ABCA13: variants seen among roughly 807,000 people sequenced by gnomAD.
ABCA13 encodes the protein ATP binding cassette subfamily A member 13, also known as ATP-binding cassette sub-family A member 13.
In ABCA13, 476 loss-of-function variants were observed where a neutral mutation model predicts 478.7. The ratio of observed to expected loss-of-function variants is 0.99; its 90% CI spans 0.92 to 1.07. ABCA13 has a LOEUF of 1.07. Ranked by LOEUF, ABCA13 falls within the 50% of genes least tolerant of loss-of-function variation. ABCA13 has a pLI of 0.00. For synonymous variants in ABCA13, 2,252 were observed against 2,158.9 expected (o/e 1.04, Z -1.20); for missense variants, 6,060 against 5,910.6 (o/e 1.03, Z -0.83).
chr7:48,629,574 G>C (rs1207035134), intron 59 of ABCA13, among the ~76,000 whole-genome samples: 1 of 26,746 alleles, frequency 3.7e-5, no homozygotes, highest in South Asian at 1.6e-3. Flanking sequence ...TTACATTTTG[G>C]CAAAAAAAAA....
chr7:48,405,222 C>T (rs1175295660), intron 39 of ABCA13, among the ~76,000 whole-genome samples: 1 of 152,252 alleles, frequency 6.6e-6, no homozygotes, highest in East Asian at 1.9e-4. Context: ...CTGCAGTCAG[C>T]AGGACCTACT....
intron 56 of ABCA13, among the ~76,000 whole-genome samples, chr7:48,581,269 G>A (rs1455457836): frequency 1.3e-5 from 2 of 152,148 alleles, no homozygotes; most frequent in Non-Finnish European, 1.5e-5. Flanking sequence ...ACTGGTCCAT[G>A]AACGTTCATT....
rs780762561 is a variant in ABCA13 at position 48,278,415 on chromosome 7, AGATCTTG to A, written c.7223_7229del (p.Asp2408GlyfsTer7). On this transcript the variant is annotated frameshift_variant, in exon 18 of 62. Transcript: ENST00000435803. LOFTEE classifies it high-confidence loss of function. ...CTGAGGACCTCTTCAAACTCAATCA[AGATCTTG>A]GGTCAGCTCTTCACCTTGTAAGAGA... 3.1e-6 allele frequency: 5 copies of A among 1,613,952 alleles called. No individual in the cohort carries two copies. The South Asian group carries it at 5.5e-5, about 18-fold the overall frequency.
rs1209525334 is a variant in ABCA13, at chr7:48,278,098, G to A, written c.6904G>A (p.Val2302Ile). 3.2e-6 allele frequency: 4 copies of A among 1,247,900 alleles called. No individual in the cohort carries two copies. The East Asian group carries it at 7.9e-5, about 25-fold the overall frequency. The allele number at this position is 1,247,900 out of a possible 1,614,324, so 77.3% of individuals were successfully genotyped here. ...TATATATATATATATTTACAGTTTT[G>A]TCCCAAAAGATAAAATTCTAGAAAT... ...HKDVIAEMSF[V>I]PKDKILEILK... The change falls in exon 18 of 62, where the codon GTC (valine) becomes ATC (isoleucine). Residue 2302 changes from valine to isoleucine, a missense_variant. Val to Ile is a conservative substitution (Grantham distance 29). Coordinates refer to ENST00000435803, the MANE Select transcript of ABCA13 (RefSeq NM_152701.5).
At chr7:48,337,579 A>G (rs549578411) in intron 28 of ABCA13, among the ~76,000 whole-genome samples, 17 of 152,344 alleles carry the variant, frequency 1.1e-4, no homozygotes, top group Admixed American at 1.0e-3. Flanking sequence ...TATGTGCTGG[A>G]CCAAAATCTG....
chr7:48,411,789 A>C (rs1220696596), intron 40 of ABCA13, among the ~76,000 whole-genome samples: 1 of 152,034 alleles, frequency 6.6e-6, no homozygotes, highest in Non-Finnish European at 1.5e-5. Context: ...TGGGGCTGGG[A>C]TTCAGGGTGT....
chr7:48,496,109 A>G (rs1235668114), intron 48 of ABCA13, among the ~76,000 whole-genome samples: 2 of 151,976 alleles, frequency 1.3e-5, no homozygotes, highest in Non-Finnish European at 2.9e-5. Context: ...GGTAATTACT[A>G]ATATATTTGG....
At chr7:48,208,442 A>T (rs1785203895) in intron 3 of ABCA13, among the ~76,000 whole-genome samples, 1 of 152,080 alleles carries the variant, frequency 6.6e-6, no homozygotes, top group Non-Finnish European at 1.5e-5. Flanking sequence ...ATGAACACGG[A>T]ACATCTTTCT....
At chr7:48,439,281 G>A (rs1823263322) in intron 42 of ABCA13, among the ~76,000 whole-genome samples, 1 of 152,078 alleles carries the variant, frequency 6.6e-6, no homozygotes. Context: ...GTTCCTTGAG[G>A]TGCCCATTTT....
At chr7:48,435,329 C>A (rs970506843) in intron 42 of ABCA13, among the ~76,000 whole-genome samples, 9 of 151,708 alleles carry the variant, frequency 5.9e-5, no homozygotes, top group African/African-American at 2.2e-4. Context: ...GGAAGAAGTG[C>A]AACTAATATT....
At chr7:48,234,283 G>C (rs1789619564) in intron 8 of ABCA13, 132 bp downstream of exon 8, 1 of 1,192,872 alleles carries the variant, frequency 8.4e-7, no homozygotes, top group Non-Finnish European at 1.2e-6. Context: ...CAAAACCCGA[G>C]CTCCTTACGC....
intron 25 of ABCA13, among the ~76,000 whole-genome samples, chr7:48,313,921 T>C (rs1274947217): frequency 6.6e-6 from 1 of 152,208 alleles, no homozygotes; most frequent in African/African-American, 2.4e-5. Context: ...GAATTAGTGA[T>C]ATTTTATGGA....
intron 35 of ABCA13, among the ~76,000 whole-genome samples, chr7:48,386,963 A>G (rs1815288384): frequency 6.6e-6 from 1 of 152,268 alleles, no homozygotes; most frequent in Middle Eastern, 3.4e-3. Flanking sequence ...ATTCTGTAGA[A>G]TTGGAGGAAA....
intron 1 of ABCA13, among the ~76,000 whole-genome samples, chr7:48,189,374 A>G (rs925850478): frequency 3.4e-5 from 5 of 149,120 alleles, no homozygotes; most frequent in East Asian, 4.0e-4. Context: ...CTCACACACA[A>G]TGGAAAATGA....
intron 3 of ABCA13, among the ~76,000 whole-genome samples, chr7:48,215,909 A>G (rs1303117184): frequency 2.0e-5 from 3 of 152,130 alleles, no homozygotes; most frequent in Non-Finnish European, 4.4e-5. Context: ...CGATGTTTTT[A>G]AGGTTCATTC....
At chr7:48,450,871 C>T (rs1037119071) in intron 42 of ABCA13, among the ~76,000 whole-genome samples, 4 of 151,926 alleles carry the variant, frequency 2.6e-5, no homozygotes, top group Non-Finnish European at 4.4e-5. Flanking sequence ...TATACTATTA[C>T]CTTAAGCAGA....
chr7:48,409,134 C>A (rs1301689885), intron 39 of ABCA13, among the ~76,000 whole-genome samples: 2 of 152,284 alleles, frequency 1.3e-5, no homozygotes, highest in Middle Eastern at 6.8e-3. Context: ...TTAGCCTTCT[C>A]TCTTTGAAAA....
chr7:48,301,208 C>T (rs1346173029), intron 23 of ABCA13, among the ~76,000 whole-genome samples: 2 of 151,908 alleles, frequency 1.3e-5, no homozygotes, highest in Non-Finnish European at 2.9e-5. Context: ...TTCTGGGAGG[C>T]TCCTTCAAAT....
At chr7:48,470,035 G>C (rs1237745869) in intron 44 of ABCA13, among the ~76,000 whole-genome samples, 1 of 152,184 alleles carries the variant, frequency 6.6e-6, no homozygotes, top group Non-Finnish European at 1.5e-5. Context: ...TCCTCCAGCA[G>C]CCTCTCTGCA....
Sources: allele counts gnomAD v4.1 joint callset (sites outside exome capture counted in the v4.1 genomes callset), GRCh38; gene constraint gnomAD v4.1.1; transcripts MANE v1.5; gene names NCBI Gene and HGNC (gene_info 2026-07-23, HGNC 2026-07-21).